The following KLB variants were observed in gnomAD, a reference collection of about 807,000 sequenced individuals.
KLB encodes the protein beta-klotho.
In KLB, 44 loss-of-function variants were observed where a neutral mutation model predicts 88.4. The observed-to-expected ratio is 0.50, with a 90% confidence interval of 0.39 to 0.64. The LOEUF is 0.64. KLB is among the 30% of genes least tolerant of loss of function. KLB has a pLI of 0.00. For missense variants in KLB, 1,137 were observed against 1,304.8 expected (o/e 0.87, Z 1.98); for synonymous variants, 548 against 513.4 (o/e 1.07, Z -0.91).
At position 39,414,198 on chromosome 4, in the gene KLB, G is replaced by A. The variant is rs192882417; in HGVS notation, c.825+6424G>A. On this transcript the variant is annotated intron_variant, in intron 1 of 4. Transcript: ENST00000257408. ...GACATTGACATGTAACCAGTATGAG[G>A]GGCATAAAAATGATTATTTTACACA... Among the ~76,000 whole-genome samples, 11 of 151,988 alleles carry A rather than the reference G, an allele frequency of 7.2e-5. No homozygotes were observed. In the East Asian group the frequency reaches 1.9e-3, roughly 27 times the overall value.
At chr4:39,421,637 T>C in intron 1 of KLB, among the ~76,000 whole-genome samples, 1 of 151,978 alleles carries the variant, frequency 6.6e-6, no homozygotes, top group South Asian at 2.1e-4. Context: ...TGCTTATAAC[T>C]CCAGCTACTC....
At chr4:39,444,518 G>GAAAC (rs1343033530) in intron 3 of KLB, among the ~76,000 whole-genome samples, 3 of 152,200 alleles carry the variant, frequency 2.0e-5, no homozygotes, top group Non-Finnish European at 4.4e-5. Context: ...TAGGATTTTA[G>GAAAC]AAACAAGCTC....
intron 4 of KLB, among the ~76,000 whole-genome samples, chr4:39,447,678 A>G (rs534424061): frequency 8.5e-5 from 13 of 152,372 alleles, no homozygotes; most frequent in Admixed American, 8.5e-4. Context: ...CACCAATTAT[A>G]GAAAACTGGG....
At chr4:39,417,620 G>T (rs1381805730) in intron 1 of KLB, among the ~76,000 whole-genome samples, 1 of 152,088 alleles carries the variant, frequency 6.6e-6, no homozygotes, top group Non-Finnish European at 1.5e-5. Context: ...AAAAAAAGAA[G>T]AAAGAATAAA....
At chr4:39,418,630 A>T (rs904140727) in intron 1 of KLB, among the ~76,000 whole-genome samples, 3 of 151,696 alleles carry the variant, frequency 2.0e-5, no homozygotes, top group South Asian at 4.2e-4. Flanking sequence ...GATCTAAGAC[A>T]CCTCTAACAA....
At chr4:39,421,247 G>C (rs1033588058) in intron 1 of KLB, among the ~76,000 whole-genome samples, 2 of 152,146 alleles carry the variant, frequency 1.3e-5, no homozygotes, top group African/African-American at 4.8e-5. Flanking sequence ...AAAGTAAATG[G>C]ATGAAGAGTG....
chr4:39,413,049 A>G (rs962292754), intron 1 of KLB, among the ~76,000 whole-genome samples: 2 of 152,218 alleles, frequency 1.3e-5, no homozygotes, highest in Non-Finnish European at 2.9e-5. Context: ...CTCAGTAACC[A>G]GACCACAGGG....
At chr4:39,430,390 C>G (rs1459144778) in intron 1 of KLB, among the ~76,000 whole-genome samples, 1 of 93,156 alleles carries the variant, frequency 1.1e-5, no homozygotes, top group African/African-American at 3.7e-5. Context: ...TAATTTATGA[C>G]TGCTTTTGTT....
intron 3 of KLB, among the ~76,000 whole-genome samples, chr4:39,441,970 G>A (rs1481433923): frequency 2.0e-5 from 3 of 152,136 alleles, no homozygotes; most frequent in Admixed American, 6.5e-5. Flanking sequence ...GACCGGGCAT[G>A]GTGACTAACT....
intron 3 of KLB, among the ~76,000 whole-genome samples, chr4:39,439,361 C>T (rs1250960932): frequency 2.0e-5 from 3 of 152,152 alleles, no homozygotes; most frequent in Non-Finnish European, 2.9e-5. Flanking sequence ...GGTTACATAA[C>T]TTGCCCAAGT....
At chr4:39,437,067 T>C (rs1477853557) in intron 2 of KLB, among the ~76,000 whole-genome samples, 2 of 152,228 alleles carry the variant, frequency 1.3e-5, no homozygotes, top group Non-Finnish European at 2.9e-5. Context: ...ATCAGAGTTT[T>C]AAAGCTAGAA....
intron 1 of KLB, among the ~76,000 whole-genome samples, chr4:39,424,809 A>T (rs113809960): frequency 0.035 from 5,250 of 151,558 alleles, 172 homozygotes; most frequent in African/African-American, 0.084. Context: ...TTGTATTTTT[A>T]ATAGAGATGG....
At chr4:39,445,312 G>A (rs527998056) in intron 3 of KLB, among the ~76,000 whole-genome samples, 5 of 152,194 alleles carry the variant, frequency 3.3e-5, no homozygotes, top group Admixed American at 6.5e-5. Flanking sequence ...TCTCTCCTTC[G>A]TGGAGAGACA....
At chr4:39,443,758 CAAAAAAAAAA>C (rs56820388) in intron 3 of KLB, among the ~76,000 whole-genome samples, 3 of 111,102 alleles carry the variant, frequency 2.7e-5, no homozygotes, top group South Asian at 3.3e-4. Context: ...GAGACTTTGT[CAAAAAAAAAA>C]AAAAAAAAAG....
intron 1 of KLB, among the ~76,000 whole-genome samples, chr4:39,414,851 A>G (rs1294892160): frequency 1.3e-5 from 2 of 148,910 alleles, no homozygotes; most frequent in Non-Finnish European, 3.0e-5. Context: ...CCTGGGTAAC[A>G]GAGCAAGACT....
intron 3 of KLB, among the ~76,000 whole-genome samples, chr4:39,441,092 G>A (rs1446633576): frequency 1.3e-5 from 2 of 152,162 alleles, no homozygotes; most frequent in Non-Finnish European, 2.9e-5. Context: ...TTGGCCTCAA[G>A]CAATCTGTCT....
At chr4:39,428,256 G>A (rs897163619) in intron 1 of KLB, among the ~76,000 whole-genome samples, 3 of 152,098 alleles carry the variant, frequency 2.0e-5, no homozygotes, top group East Asian at 1.9e-4. Flanking sequence ...GTGAAACCCC[G>A]TCTCTACTAA....
chr4:39,424,097 T>A (rs1743145317), intron 1 of KLB, among the ~76,000 whole-genome samples: 1 of 151,802 alleles, frequency 6.6e-6, no homozygotes, highest in Admixed American at 6.6e-5. Flanking sequence ...TTGAGACAGG[T>A]CTCATTCTGT....
chr4:39,435,381 G>T (rs1385927046), intron 2 of KLB, among the ~76,000 whole-genome samples: 1 of 152,020 alleles, frequency 6.6e-6, no homozygotes, highest in Non-Finnish European at 1.5e-5. Flanking sequence ...GCCTCCCAAA[G>T]CCCTGGGATT....
Sources: gnomAD v4.1 joint callset for allele counts (sites outside exome capture counted in the v4.1 genomes callset) on GRCh38, gnomAD v4.1.1 for gene constraint, MANE v1.5 for transcripts, NCBI Gene and HGNC (gene_info 2026-07-23, HGNC 2026-07-21) for gene names.